The following GYG2 variants were observed in gnomAD, a reference collection of about 807,000 sequenced individuals.
GYG2 encodes the protein glycogenin-2.
GYG2 carries 29 observed loss-of-function variants against 29.4 expected under a neutral mutation model. The observed-to-expected ratio is 0.99, with a 90% confidence interval of 0.74 to 1.35. The LOEUF is 1.35. Among genes scored for constraint, GYG2 ranks in the 40% most tolerant of loss-of-function variants. The probability of loss-of-function intolerance (pLI) is 0.00; values close to 1 mark genes in which losing one functional copy is unlikely to be tolerated. For missense variants in GYG2, 370 were observed against 385.7 expected (o/e 0.96, Z 0.34); for synonymous variants, 167 against 172.3 (o/e 0.97, Z 0.24).
At chrX:2,874,164 A>G (rs2088540950) in intron 8 of GYG2, among the ~76,000 whole-genome samples, 1 of 112,661 alleles carries the variant, frequency 8.9e-6, no homozygotes, top group Non-Finnish European at 1.9e-5. Flanking sequence ...AAATTAAAAA[A>G]AAGGTTCATG....
chrX:2,840,705 C>T (rs1463531446), intron 2 of GYG2, among the ~76,000 whole-genome samples: 1 of 108,639 alleles, frequency 9.2e-6, no homozygotes, highest in African/African-American at 3.4e-5. Flanking sequence ...AGATGGATGG[C>T]TAATAGAAAG....
chrX:2,869,589 A>G (rs1432752228), intron 8 of GYG2, among the ~76,000 whole-genome samples: 1 of 112,322 alleles, frequency 8.9e-6, no homozygotes, highest in African/African-American at 3.2e-5. Context: ...GGGGCTCTTT[A>G]GTCCAGTAGC....
intron 3 of GYG2, among the ~76,000 whole-genome samples, chrX:2,846,055 A>ATATT (rs2087723665): frequency 1.6e-4 from 6 of 38,677 alleles, no homozygotes; most frequent in Admixed American, 4.5e-4. Context: ...ATATATATAT[A>ATATT]TTTTTTTTTT....
chrX:2,869,609 A>T (rs2088406507), intron 8 of GYG2, among the ~76,000 whole-genome samples: 1 of 112,370 alleles, frequency 8.9e-6, no homozygotes, highest in East Asian at 2.8e-4. Context: ...CTACTTTGGT[A>T]TATATAATGA....
chrX:2,845,735 G>C (rs1480810709), intron 3 of GYG2, among the ~76,000 whole-genome samples: 1 of 103,658 alleles, frequency 9.6e-6, no homozygotes, highest in Non-Finnish European at 2.0e-5. Flanking sequence ...GCATGTGTAC[G>C]TATATTTATT....
intron 3 of GYG2, chrX:2,853,659 C>T: frequency 5.1e-6 from 1 of 196,163 alleles, no homozygotes; most frequent in Non-Finnish European, 9.3e-6. Context: ...GTGGTGGTTT[C>T]TATGCACCTC....
chrX:2,851,046 A>T (rs1422698495), intron 3 of GYG2, among the ~76,000 whole-genome samples: 1 of 112,120 alleles, frequency 8.9e-6, no homozygotes, highest in Non-Finnish European at 1.9e-5. Context: ...ACATGAATAG[A>T]TTAAAATTCC....
chrX:2,860,120 T>A lies in GYG2; in HGVS notation c.837+55T>A, dbSNP rs2088123628. The A allele has an allele frequency of 3.8e-6, 3 of 783,954 alleles. No individual in the cohort carries two copies. The East Asian group carries it at 1.1e-4, about 28-fold the overall frequency. The allele number at this position is 783,954 out of a possible 1,213,427, so 64.6% of individuals were successfully genotyped here. A position where few individuals can be genotyped will look rare whatever the true frequency, so the allele number is the denominator to read the frequency against. On this transcript the variant is annotated intron_variant, in intron 7 of 10. Transcript: ENST00000398806. ...GCTGAGGACGAGGAGAACATCCTTGTCACCAAGGTCTGGCGTGGTTTTTTT... is the reference window on the plus strand; with the variant it reads ...GCTGAGGACGAGGAGAACATCCTTGACACCAAGGTCTGGCGTGGTTTTTTT...
rs2088731310 is a variant in GYG2 at position 2,882,124 on chromosome X, T to A, written c.*911T>A. ...TCTTTCCAGAGAATTCTCAGTTTTA[T>A]GAGACGGGAAACTTTATTTCACGAG... is the stretch of plus-strand genomic sequence containing the variant. On this transcript the variant is annotated 3_prime_UTR_variant, in exon 11 of 11. Transcript: ENST00000398806. 1 of 110,785 alleles carries A rather than the reference T, an allele frequency of 9.0e-6. No individual in the cohort carries two copies. Among genetic ancestry groups the A allele is most frequent in the South Asian group, 4.0e-4 (1 of 2,530 alleles). 9.1% of individuals were successfully genotyped at this position (110,785 alleles called of 1,213,427 possible). A position where few individuals can be genotyped will look rare whatever the true frequency, so the allele number is the denominator to read the frequency against.
At chrX:2,880,641 C>T (rs1603460561) in intron 10 of GYG2, among the ~76,000 whole-genome samples, 1 of 111,938 alleles carries the variant, frequency 8.9e-6, no homozygotes, top group East Asian at 2.8e-4. Flanking sequence ...GGTGTGGAGG[C>T]TCACACCTGC....
At position 2,830,308 on chromosome X, in the gene GYG2, G is replaced by A. The variant is rs1410969150; in HGVS notation, c.7+113G>A. 39 of 690,648 alleles carry A rather than the reference G, an allele frequency of 5.6e-5. No homozygotes were observed. The South Asian group carries it at 8.9e-4, about 16-fold the overall frequency. 56.9% of individuals were successfully genotyped at this position (690,648 alleles called of 1,213,427 possible). ...TGACCGCAGGATTGCCCCAAACCCC[G>A]AGTCTCCCCCTTACTGCCTCGCCCA... On this transcript the variant is annotated intron_variant, in intron 2 of 10. Coordinates refer to ENST00000398806, the MANE Select transcript of GYG2 (RefSeq NM_001079855.2).
rs1234080545 is a variant in GYG2 at position 2,881,243 on chromosome X, T to C, written c.*30T>C. On this transcript the variant is annotated 3_prime_UTR_variant, in exon 11 of 11. Transcript: ENST00000398806. ...GCAGCTGGTGGGCGTTGTGTGTAGT[T>C]AGACAATGTCCTGTTGGGTGGTCCT... The C allele has an allele frequency of 8.9e-7, 1 of 1,125,534 alleles. No individual in the cohort carries two copies. Among genetic ancestry groups the C allele is most frequent in the Non-Finnish European group, 1.2e-6 (1 of 841,459 alleles). 92.8% of individuals were successfully genotyped at this position (1,125,534 alleles called of 1,213,427 possible). A position where few individuals can be genotyped will look rare whatever the true frequency, so the allele number is the denominator to read the frequency against.
rs780035716 is a variant in GYG2 at position 2,854,870 on chromosome X, C to T, written c.325-123C>T. On this transcript the variant is annotated intron_variant, in intron 4 of 10. Transcript: ENST00000398806. ...TCGCTTGAACCCGGGAGGCGGAGGC[C>T]GCAGTGAGCCGAGACTGAAGCACTG... 336 of 745,485 alleles carry T rather than the reference C, an allele frequency of 4.5e-4. 1 individual carries two copies. The highest frequency in any genetic ancestry group is 1.6e-3 in the East Asian group (46 of 28,960). 61.4% of individuals were successfully genotyped at this position (745,485 alleles called of 1,213,427 possible). A position where few individuals can be genotyped will look rare whatever the true frequency, so the allele number is the denominator to read the frequency against.
chrX:2,841,757 C>T lies in GYG2; in HGVS notation c.8-1456C>T, dbSNP rs142551829. Among the ~76,000 whole-genome samples, 9 of 111,754 alleles carry T rather than the reference C, an allele frequency of 8.1e-5. No individual in the cohort carries two copies. The East Asian group carries it at 1.1e-3, about 14-fold the overall frequency. ...CTTGGAGTGCTGCTTCCGGGAAAGG[C>T]GCTGTGGTCGCCTACATGCTGAGCA... On this transcript the variant is annotated intron_variant, in intron 2 of 10. Coordinates refer to ENST00000398806, the MANE Select transcript of GYG2 (RefSeq NM_001079855.2).
At chrX:2,864,280 G>A (rs185685746) in intron 8 of GYG2, among the ~76,000 whole-genome samples, 78 of 111,864 alleles carry the variant, frequency 7.0e-4, no homozygotes, top group Middle Eastern at 4.6e-3. Flanking sequence ...AGAGGATGAG[G>A]TATCAATATG....
intron 2 of GYG2, among the ~76,000 whole-genome samples, chrX:2,842,185 C>CTTT (rs558149981): frequency 1.9e-5 from 2 of 102,670 alleles, no homozygotes; most frequent in Admixed American, 2.2e-4. Flanking sequence ...TCTTTCCTTT[C>CTTT]TTTCTTTTTT....
intron 8 of GYG2, among the ~76,000 whole-genome samples, chrX:2,869,275 G>C: frequency 8.9e-6 from 1 of 112,380 alleles, no homozygotes; most frequent in Non-Finnish European, 1.9e-5. Context: ...TAAAGTCTAT[G>C]GGAGGATGTG....
At chrX:2,872,430 T>G (rs1470664584) in intron 8 of GYG2, among the ~76,000 whole-genome samples, 1 of 112,363 alleles carries the variant, frequency 8.9e-6, no homozygotes, top group Non-Finnish European at 1.9e-5. Context: ...GGTTTATGTT[T>G]CGGCTGTTAA....
chrX:2,830,151 C>G lies in GYG2; in HGVS notation c.-38C>G. 8.3e-7 allele frequency: 1 copy of G among 1,203,244 alleles called. No homozygotes were observed. The highest frequency in any genetic ancestry group is 1.1e-6 in the Non-Finnish European group (1 of 887,673). ...CCACCCACTGCTCCCGGGCGCAGGT[C>G]TGCAGGTCCGCGCCCACTGCCCGCG... On this transcript the variant is annotated 5_prime_UTR_variant, in exon 2 of 11. Transcript: ENST00000398806.
Sources: gnomAD v4.1 joint callset for allele counts (sites outside exome capture counted in the v4.1 genomes callset) on GRCh38, gnomAD v4.1.1 for gene constraint, MANE v1.5 for transcripts, NCBI Gene and HGNC (gene_info 2026-07-23, HGNC 2026-07-21) for gene names.